The following LARGE1 variants were observed in gnomAD, a reference collection of about 807,000 sequenced individuals.
LARGE1 encodes LARGE xylosyl- and glucuronyltransferase 1.
In LARGE1, 43 loss-of-function variants were observed where a neutral mutation model predicts 87.6. The ratio of observed to expected loss-of-function variants is 0.49; its 90% CI spans 0.38 to 0.63. The LOEUF (loss-of-function observed/expected upper bound fraction) is 0.63. Among genes scored for constraint, LARGE1 ranks in the 30% least tolerant of loss-of-function variants. The pLI, the probability that LARGE1 is intolerant of heterozygous loss-of-function variation, is 0.00. For synonymous variants in LARGE1, 434 were observed against 394.6 expected (o/e 1.10, Z -1.18); for missense variants, 802 against 1,000.2 (o/e 0.80, Z 2.67).
At chr22:33,434,886 A>ATAAAAG in intron 6 of LARGE1, among the ~76,000 whole-genome samples, 1 of 151,886 alleles carries the variant, frequency 6.6e-6, no homozygotes, top group Admixed American at 6.6e-5. Flanking sequence ...GTCCATCTCC[A>ATAAAAG]GCATGAAGCC....
chr22:33,792,220 A>AC (rs2085846566), intron 1 of LARGE1, among the ~76,000 whole-genome samples: 1 of 152,150 alleles, frequency 6.6e-6, no homozygotes, highest in Non-Finnish European at 1.5e-5. Flanking sequence ...CATAATCCCC[A>AC]CATGTCATGG....
intron 1 of LARGE1, among the ~76,000 whole-genome samples, chr22:33,828,501 C>A (rs2062864440): frequency 6.6e-6 from 1 of 152,222 alleles, no homozygotes. Context: ...GGAAGGAAGC[C>A]AGGTTTGGGT....
At chr22:33,381,247 G>T (rs2065145172) in intron 9 of LARGE1, among the ~76,000 whole-genome samples, 1 of 152,130 alleles carries the variant, frequency 6.6e-6, no homozygotes, top group South Asian at 2.1e-4. Flanking sequence ...TATATAAATG[G>T]TTGCTGATTT....
chr22:33,221,169 A>AAGAGAGAGAGAGAG (rs112355451), intron 11 of LARGE1, among the ~76,000 whole-genome samples: 14 of 148,992 alleles, frequency 9.4e-5, no homozygotes, highest in African/African-American at 2.8e-4. Flanking sequence ...CGTTGTTAAA[A>AAGAGAGAGAGAGAG]AGAGAGAGAG....
At chr22:33,251,006 C>G (rs1926988914) in intron 11 of LARGE1, among the ~76,000 whole-genome samples, 1 of 152,126 alleles carries the variant, frequency 6.6e-6, no homozygotes, top group Non-Finnish European at 1.5e-5. Context: ...TCATGCTTGC[C>G]TCATAGAATG....
At chr22:33,139,698 T>C in the LARGE1 span, among the ~76,000 whole-genome samples, 12 of 152,212 alleles carry the variant, frequency 7.9e-5, no homozygotes, top group African/African-American at 2.9e-4. Flanking sequence ...AGCTAGCCTA[T>C]GGTTTAGCTT....
chr22:33,764,525 AG>A (rs555701655), intron 1 of LARGE1, among the ~76,000 whole-genome samples: 79 of 152,256 alleles, frequency 5.2e-4, no homozygotes, highest in Non-Finnish European at 9.7e-4. Context: ...TGGGAGGCCG[AG>A]GTGGGCAGAT....
At chr22:33,120,725 C>T in the LARGE1 span, among the ~76,000 whole-genome samples, 1 of 151,916 alleles carries the variant, frequency 6.6e-6, no homozygotes, top group Non-Finnish European at 1.5e-5. Context: ...CCGTGTTGGC[C>T]AGGCTGGTCT....
At chr22:33,909,496 C>A (rs1038587445) in intron 1 of LARGE1, among the ~76,000 whole-genome samples, 1 of 151,858 alleles carries the variant, frequency 6.6e-6, no homozygotes, top group Non-Finnish European at 1.5e-5. Context: ...AAGCCCACAG[C>A]CCCTAACTCA....
At chr22:33,125,937 G>A in the LARGE1 span, among the ~76,000 whole-genome samples, 2 of 152,112 alleles carry the variant, frequency 1.3e-5, no homozygotes, top group South Asian at 2.1e-4. Context: ...TAATAGAGAC[G>A]GGGTTTCACT....
the LARGE1 span, among the ~76,000 whole-genome samples, chr22:33,152,917 G>T: frequency 6.6e-6 from 1 of 151,818 alleles, no homozygotes; most frequent in African/African-American, 2.4e-5. Context: ...TTTCCTGATG[G>T]TAAGTCCACT....
At chr22:33,323,223 C>A (rs1348909379) in intron 10 of LARGE1, among the ~76,000 whole-genome samples, 1 of 152,198 alleles carries the variant, frequency 6.6e-6, no homozygotes, top group Non-Finnish European at 1.5e-5. Context: ...GTCCACAGGA[C>A]TCTGGGGCAA....
intron 4 of LARGE1, among the ~76,000 whole-genome samples, chr22:33,618,502 T>C (rs2079646416): frequency 6.6e-6 from 1 of 152,226 alleles, no homozygotes; most frequent in African/African-American, 2.4e-5. Flanking sequence ...ATCTGCACTA[T>C]AAAAAGCAGT....
intron 6 of LARGE1, among the ~76,000 whole-genome samples, chr22:33,499,674 C>T (rs1453256534): frequency 7.3e-6 from 1 of 136,228 alleles, no homozygotes. Flanking sequence ...ATTTTATTGA[C>T]TTATAGGCAT....
intron 1 of LARGE1, among the ~76,000 whole-genome samples, chr22:33,831,032 T>G (rs938861629): frequency 6.6e-6 from 1 of 152,186 alleles, no homozygotes; most frequent in Non-Finnish European, 1.5e-5. Context: ...CACAGCAATG[T>G]AGACGACAAT....
chr22:33,722,556 C>A (rs911379664), intron 2 of LARGE1, among the ~76,000 whole-genome samples: 1 of 152,048 alleles, frequency 6.6e-6, no homozygotes, highest in Non-Finnish European at 1.5e-5. Flanking sequence ...TGCATGGAAC[C>A]GAGCTGCACA....
At chr22:33,417,484 A>C (rs2066540328) in intron 7 of LARGE1, among the ~76,000 whole-genome samples, 1 of 152,238 alleles carries the variant, frequency 6.6e-6, no homozygotes, top group African/African-American at 2.4e-5. Flanking sequence ...AGAAAACAAG[A>C]TCTTACTCTC....
intron 11 of LARGE1, among the ~76,000 whole-genome samples, chr22:33,210,574 G>A (rs1247884310): frequency 2.6e-5 from 4 of 152,230 alleles, no homozygotes; most frequent in African/African-American, 9.6e-5. Flanking sequence ...CCGCCACCAG[G>A]CCCGCTGCTA....
At chr22:33,488,608 A>G (rs1055596028) in intron 6 of LARGE1, among the ~76,000 whole-genome samples, 2 of 152,216 alleles carry the variant, frequency 1.3e-5, no homozygotes, top group African/African-American at 4.8e-5. Context: ...TATTTTACTA[A>G]TAAGTAAAGA....
Sources: allele counts gnomAD v4.1 joint callset (sites outside exome capture counted in the v4.1 genomes callset), GRCh38; gene constraint gnomAD v4.1.1; transcripts MANE v1.5; gene names NCBI Gene and HGNC (gene_info 2026-07-23, HGNC 2026-07-21).